The following SEMA6D variants were observed in gnomAD, a reference collection of about 807,000 sequenced individuals.
SEMA6D encodes semaphorin-6D.
A neutral mutation model predicts 106.6 loss-of-function variants in SEMA6D; 35 were observed. The observed-to-expected ratio is 0.33, with a 90% CI of 0.25 to 0.44. SEMA6D has a LOEUF of 0.44. SEMA6D is among the 20% of genes least tolerant of loss of function. The pLI, the probability that SEMA6D is intolerant of heterozygous loss-of-function variation, is 1.00. For missense variants in SEMA6D, 1,185 were observed against 1,345.9 expected (o/e 0.88, Z 1.87); for synonymous variants, 499 against 487.7 (o/e 1.02, Z -0.31).
intron 3 of SEMA6D, among the ~76,000 whole-genome samples, chr15:47,513,707 T>A (rs964760506): frequency 6.6e-6 from 1 of 152,186 alleles, no homozygotes; most frequent in African/African-American, 2.4e-5. Context: ...ATAATGTGCG[T>A]GTGTCTGTGG....
chr15:47,371,347 A>T (rs2039266103), intron 1 of SEMA6D, among the ~76,000 whole-genome samples: 1 of 152,258 alleles, frequency 6.6e-6, no homozygotes, highest in Non-Finnish European at 1.5e-5. Context: ...GTTGAATAAC[A>T]TAAATGAACT....
intron 14 of SEMA6D, 27 bp from the exon 15 acceptor site, chr15:47,766,078 A>AT (rs1464291132): frequency 6.2e-7 from 1 of 1,613,194 alleles, no homozygotes; most frequent in Non-Finnish European, 8.5e-7. Flanking sequence ...AGAAAATCCA[A>AT]GTTACATTCT....
At chr15:47,636,169 G>C (rs1417491904) in intron 4 of SEMA6D, among the ~76,000 whole-genome samples, 1 of 152,094 alleles carries the variant, frequency 6.6e-6, no homozygotes, top group African/African-American at 2.4e-5. Context: ...GAATTGTGGT[G>C]ATGGTTACAC....
intron 2 of SEMA6D, among the ~76,000 whole-genome samples, chr15:47,447,047 T>C (rs1206865499): frequency 6.6e-6 from 1 of 152,120 alleles, no homozygotes; most frequent in Non-Finnish European, 1.5e-5. Context: ...GCCTCATCCC[T>C]GGGCACACCC....
At chr15:47,621,788 A>G (rs1249441586) in intron 4 of SEMA6D, among the ~76,000 whole-genome samples, 3 of 152,238 alleles carry the variant, frequency 2.0e-5, no homozygotes, top group African/African-American at 7.2e-5. Context: ...TCAAACAGAC[A>G]TAATTCAATC....
intron 1 of SEMA6D, among the ~76,000 whole-genome samples, chr15:47,185,215 G>A (rs561393133): frequency 8.5e-5 from 13 of 152,326 alleles, no homozygotes; most frequent in Non-Finnish European, 1.6e-4. Context: ...CAAGGCTGCC[G>A]GGAGGGAAAA....
intron 1 of SEMA6D, among the ~76,000 whole-genome samples, chr15:47,723,937 G>GAAA (rs2079571983): frequency 6.6e-6 from 1 of 152,222 alleles, no homozygotes. Context: ...TTTCTACTCA[G>GAAA]CTGAGGAACT....
In SEMA6D at chr15:47,482,525, G is replaced by T. The variant is rs572951137; in HGVS notation, c.-87+11980G>T. Among the ~76,000 whole-genome samples, 2 of 152,176 alleles carry T rather than the reference G, an allele frequency of 1.3e-5. 1 individual carries two copies. The highest frequency in any genetic ancestry group is 4.2e-4 in the South Asian group (2 of 4,814). On this transcript the variant is annotated intron_variant, in intron 3 of 19. Coordinates refer to the SEMA6D transcript ENST00000558014. ...AATGCTGTCCGTGGTTTAGAGAAAT[G>T]ATACAACAAGGGCCATTATGTACCA...
At chr15:47,185,061 C>A (rs1038387626) in intron 1 of SEMA6D, among the ~76,000 whole-genome samples, 3 of 151,958 alleles carry the variant, frequency 2.0e-5, no homozygotes, top group South Asian at 2.1e-4. Context: ...AGCGGGCTTG[C>A]GCGCGGCCGG....
chr15:47,262,715 A>G (rs773091463), intron 1 of SEMA6D, among the ~76,000 whole-genome samples: 27 of 152,154 alleles, frequency 1.8e-4, no homozygotes, highest in Admixed American at 3.3e-4. Context: ...TTCACATGGA[A>G]CCACAGAAGA....
At chr15:47,609,637 C>G (rs956160825) in intron 4 of SEMA6D, among the ~76,000 whole-genome samples, 7 of 152,130 alleles carry the variant, frequency 4.6e-5, no homozygotes, top group African/African-American at 1.7e-4. Flanking sequence ...ACTAAAATAG[C>G]ATATATATGT....
At chr15:47,401,732 T>C (rs2040407680) in intron 1 of SEMA6D, among the ~76,000 whole-genome samples, 1 of 152,200 alleles carries the variant, frequency 6.6e-6, no homozygotes, top group Non-Finnish European at 1.5e-5. Flanking sequence ...CTTTCCACTT[T>C]GTAAATTAGG....
intron 1 of SEMA6D, among the ~76,000 whole-genome samples, chr15:47,759,510 A>G (rs1258310194): frequency 6.6e-6 from 1 of 152,108 alleles, no homozygotes; most frequent in Non-Finnish European, 1.5e-5. Context: ...ATTACCTCCA[A>G]AATTCTCGTG....
At chr15:47,654,487 T>G (rs2077753914) in intron 4 of SEMA6D, among the ~76,000 whole-genome samples, 1 of 152,204 alleles carries the variant, frequency 6.6e-6, no homozygotes, top group Non-Finnish European at 1.5e-5. Context: ...TATATACCAT[T>G]CAGTAAGTGG....
chr15:47,586,887 G>GGTT (rs1555394426), intron 3 of SEMA6D, among the ~76,000 whole-genome samples: 2 of 38,430 alleles, frequency 5.2e-5, no homozygotes, highest in African/African-American at 7.5e-5. Context: ...AAATTTGACA[G>GGTT]GTTTTTTTTT....
At chr15:47,608,170 C>T (rs1263529179) in intron 4 of SEMA6D, among the ~76,000 whole-genome samples, 1 of 152,064 alleles carries the variant, frequency 6.6e-6, no homozygotes, top group East Asian at 1.9e-4. Flanking sequence ...TCTGCCGTTT[C>T]CTTAAAGGAA....
intron 3 of SEMA6D, among the ~76,000 whole-genome samples, chr15:47,502,319 A>C (rs1237371665): frequency 6.6e-6 from 1 of 152,202 alleles, no homozygotes; most frequent in African/African-American, 2.4e-5. Context: ...TCATTGACCA[A>C]GAAAGGAGAG....
intron 3 of SEMA6D, among the ~76,000 whole-genome samples, chr15:47,508,983 A>AT (rs745644736): frequency 2.0e-4 from 31 of 151,236 alleles, no homozygotes; most frequent in South Asian, 6.3e-4. Flanking sequence ...GAAACTCAGT[A>AT]TTTTTTTTTC....
chr15:47,471,931 T>A (rs58184689), intron 3 of SEMA6D, among the ~76,000 whole-genome samples: 4,358 of 121,368 alleles, frequency 0.036, 152 homozygotes, highest in African/African-American at 0.098. Flanking sequence ...TCTCTCTCTC[T>A]CACACACACA....
Sources: allele counts gnomAD v4.1 joint callset (sites outside exome capture counted in the v4.1 genomes callset), GRCh38; gene constraint gnomAD v4.1.1; transcripts MANE v1.5; gene names NCBI Gene and HGNC (gene_info 2026-07-23, HGNC 2026-07-21).